Variants in ZFR2 observed in about 807,000 individuals in gnomAD.
The protein encoded by ZFR2 is zinc finger RNA-binding protein 2.
In ZFR2, 104 loss-of-function variants were observed where a neutral mutation model predicts 105.7. The ratio of observed to expected loss-of-function variants is 0.98; its 90% CI spans 0.84 to 1.16. The LOEUF is 1.16. Among genes scored for constraint, ZFR2 ranks in the 50% most tolerant of loss-of-function variants. The pLI, the probability that ZFR2 is intolerant of heterozygous loss-of-function variation, is 0.00. For synonymous variants in ZFR2, 634 were observed against 597.7 expected (o/e 1.06, Z -0.89); for missense variants, 1,425 against 1,355.5 (o/e 1.05, Z -0.80).
At position 3,834,942 on chromosome 19, in the gene ZFR2, C is replaced by T. The variant is rs756505997; in HGVS notation, c.95G>A (p.Ser32Asn). 3 of 1,611,668 alleles carry T rather than the reference C, an allele frequency of 1.9e-6. No homozygotes were observed. The highest frequency in any genetic ancestry group is 1.7e-4 in the Middle Eastern group (1 of 6,054). The change falls in exon 2 of 19, where the codon AGC becomes AAC. Residue 32 changes from serine to asparagine, a missense_variant. Ser to Asn is a conservative substitution (Grantham distance 46). Transcript: ENST00000262961. This position sits in a 1 kb window ranked among gnomAD's most constrained non-coding sequence, Gnocchi z 5.3. Reference protein sequence around the residue: ...PTLPLPTVGASYTAQPTPGMD... With the variant: ...PTLPLPTVGANYTAQPTPGMD... ...CCCAGGAGTGGGTTGTGCAGTATAG[C>T]TGGCCCCCACAGTGGGCAGGGGAAG...
Position 3,856,394 on chromosome 19 carries a change from T to TA in ZFR2, c.53+12570dup, listed in dbSNP as rs1340351123. ...GAAACTGGGTGTCATCGATAGTTAA[T>TA]ATTTTTTTAAGATTGAGATATAGTC... On this transcript the variant is annotated intron_variant, in intron 1 of 18. Transcript: ENST00000262961. Among the ~76,000 whole-genome samples, 5 of 152,226 alleles carry TA rather than the reference T, an allele frequency of 3.3e-5. No homozygotes were observed. In the East Asian group the frequency reaches 9.6e-4, roughly 29 times the overall value.
intron 1 of ZFR2, among the ~76,000 whole-genome samples, chr19:3,867,309 G>GT (rs1599262712): frequency 6.6e-6 from 1 of 151,572 alleles, no homozygotes; most frequent in African/African-American, 2.4e-5. Flanking sequence ...ACTGTTGGGG[G>GT]GGGAATCTGG....
chr19:3,862,358 C>T (rs887054163), intron 1 of ZFR2, among the ~76,000 whole-genome samples: 8 of 152,088 alleles, frequency 5.3e-5, no homozygotes, highest in Non-Finnish European at 8.8e-5. Context: ...AGTGCAATGG[C>T]GCAATCTCAG....
At chr19:3,868,789 C>T (rs1568437444) in intron 1 of ZFR2, among the ~76,000 whole-genome samples, 176 bp downstream of exon 1, 1 of 152,118 alleles carries the variant, frequency 6.6e-6, no homozygotes, top group Non-Finnish European at 1.5e-5. Context: ...CGGTGCCTAA[C>T]CTGAGGCCGC....
At chr19:3,844,205 A>T (rs1008106622) in intron 1 of ZFR2, among the ~76,000 whole-genome samples, 2 of 152,154 alleles carry the variant, frequency 1.3e-5, no homozygotes, top group South Asian at 4.1e-4. Flanking sequence ...ATTTTATGTT[A>T]TCTAGACTTT....
At chr19:3,814,063 C>T in intron 13 of ZFR2, 105 bp from the exon 14 acceptor site, 1 of 1,502,844 alleles carries the variant, frequency 6.7e-7, no homozygotes, top group South Asian at 1.2e-5. Context: ...CGTCGGGCCT[C>T]CCACACTTGC....
In ZFR2 at chr19:3,834,832, C is replaced by A; in HGVS notation, c.205G>T (p.Ala69Ser). 6.2e-7 allele frequency: 1 copy of A among 1,611,948 alleles called. No individual in the cohort carries two copies. Among genetic ancestry groups the A allele is most frequent in the East Asian group, 2.2e-5 (1 of 44,870 alleles). ...GGCTCCTGGGGTCGGCTGCCGTAGG[C>A]GAAGTCCTGGCCGGAGTGGGGCTGG... Reference protein sequence around the residue: ...GYQPHSGQDFAYGSRPQEPVP... With the variant: ...GYQPHSGQDFSYGSRPQEPVP... The change falls in exon 2 of 19, where the codon GCC becomes TCC. Residue 69 changes from alanine (A) to serine (S), a missense_variant. Coordinates refer to ENST00000262961, the MANE Select transcript of ZFR2 (RefSeq NM_015174.2). This position sits in a 1 kb window ranked among gnomAD's most constrained non-coding sequence, Gnocchi z 5.3.
Position 3,827,598 on chromosome 19 carries a change from T to A in ZFR2, c.908A>T (p.Lys303Met), listed in dbSNP as rs1340873046. The A allele has an allele frequency of 1.3e-6, 2 of 1,578,908 alleles. No individual in the cohort carries two copies. The highest frequency in any genetic ancestry group is 1.7e-6 in the Non-Finnish European group (2 of 1,162,820). ...GCTCCCGTTGGGCTGCACGCCTGTC[T>A]TCTGGGCCGCCTCCTTCTTTCTGTG... ...QKHRKKEAAQKTGVQPNGSPR... is the reference protein window; with the variant it reads ...QKHRKKEAAQMTGVQPNGSPR... The change falls in exon 6 of 19, where the codon AAG becomes ATG. Residue 303 changes from lysine to methionine, a missense_variant. Physicochemically the swap from Lys to Met is moderately conservative, Grantham distance 95. Coordinates refer to ENST00000262961, the MANE Select transcript of ZFR2 (RefSeq NM_015174.2).
In ZFR2 at chr19:3,825,265, G is replaced by A. The variant is rs2037936026; in HGVS notation, c.1178C>T (p.Ala393Val). Residue 393 changes from alanine (A) to valine (V), a missense_variant, in exon 7 of 19, where the codon GCC (alanine) becomes GTC (valine). By Grantham distance (64) the Ala-to-Val change is moderately conservative. Coordinates refer to ENST00000262961, the MANE Select transcript of ZFR2 (RefSeq NM_015174.2). ...SVCASSRPAL[A>V]KRPVASKALC... The stretch of plus-strand genomic sequence containing the variant: ...GGCCTTCGAGGCCACGGGTCTCTTG[G>A]CCAGCGCTGGCCTGCTCGAGGCACA... 6.4e-7 allele frequency: 1 copy of A among 1,557,546 alleles called. No individual in the cohort carries two copies. The highest frequency in any genetic ancestry group is 8.6e-7 in the Non-Finnish European group (1 of 1,160,276).
At chr19:3,843,879 G>A (rs1267789083) in intron 1 of ZFR2, among the ~76,000 whole-genome samples, 1 of 151,866 alleles carries the variant, frequency 6.6e-6, no homozygotes, top group African/African-American at 2.4e-5. Context: ...TCCTGACATA[G>A]GCTACAAGGT....
rs942881280 is a variant in ZFR2, at chr19:3,813,311, C to T, written c.2242+509G>A. On this transcript the variant is annotated intron_variant, in intron 14 of 18. Transcript: ENST00000262961. This position sits in a 1 kb window ranked among gnomAD's most constrained non-coding sequence, Gnocchi z 4.4. Reference sequence around the variant, plus strand: ...CGCTGTGGCCGCTGGCCAAGACCCTCGCTGCCCCTAGCCTGGCCCGGCCCC... The same window carrying T: ...CGCTGTGGCCGCTGGCCAAGACCCTTGCTGCCCCTAGCCTGGCCCGGCCCC... 2.6e-5 allele frequency among the ~76,000 whole-genome samples: 4 copies of T among 152,210 alleles called. No individual in the cohort carries two copies. Among genetic ancestry groups the T allele is most frequent in the South Asian group, 4.1e-4 (2 of 4,832 alleles).
rs754461870 is a variant in ZFR2, at chr19:3,823,330, G to A, written c.1287C>T (p.Pro429=). ...TTGAGCCTCCTTGGGTAGGTGCTCC[G>A]GGACCCTCTAATTTAGGTTGGGCTG... The part of the protein sequence containing the change: ...GKPAQPKLEG[P]GAPTQGGSKE... Residue 429 remains proline, a synonymous_variant, in exon 8 of 19, where the codon CCC becomes CCT. Transcript: ENST00000262961. The surrounding 1 kb of genome is among the most constrained non-coding windows in gnomAD (Gnocchi z 5.4). 6.1e-5 allele frequency: 98 copies of A among 1,613,896 alleles called. No individual in the cohort carries two copies. The highest frequency in any genetic ancestry group is 1.6e-4 in the Middle Eastern group (1 of 6,084).
Position 3,807,208 on chromosome 19 carries a change from G to A in ZFR2, c.2607C>T (p.Thr869=), listed in dbSNP as rs760458073. 4 of 1,559,500 alleles carry A rather than the reference G, an allele frequency of 2.6e-6. No individual in the cohort carries two copies. Among genetic ancestry groups the A allele is most frequent in the Admixed American group, 1.9e-5 (1 of 52,080 alleles). The change falls in exon 18 of 19, where the codon ACC becomes ACT. Residue 869 remains threonine (T), a synonymous_variant. Coordinates refer to ENST00000262961, the MANE Select transcript of ZFR2 (RefSeq NM_015174.2). ...CGGTCACGTCTTCCCGCTCTTGGAG[G>A]GTCATGGGCTCGAGGGCATCTGTCT... is the stretch of plus-strand genomic sequence containing the variant. ...RDQTDALEPM[T]LQEREDVTAS... is the part of the protein sequence containing the mutation.
At position 3,810,916 on chromosome 19, in the gene ZFR2, C is replaced by T. The variant is rs77579744; in HGVS notation, c.2338-71G>A. The T allele has an allele frequency of 7.3e-5, 110 of 1,498,708 alleles. 1 individual carries two copies. The highest frequency in any genetic ancestry group is 7.0e-4 in the South Asian group (57 of 82,008). 92.8% of individuals were successfully genotyped at this position (1,498,708 alleles called of 1,614,324 possible). On this transcript the variant is annotated intron_variant, in intron 15 of 18. Transcript: ENST00000262961. ...CACACGGCATGGCGCCGGGCTCTGT[C>T]GTGAGCGTGAACCCCAGGGAGGATA...
rs1280720035 is a variant in ZFR2, at chr19:3,804,872, TTG to T, written c.*1075_*1076del. On this transcript the variant is annotated 3_prime_UTR_variant, in exon 19 of 19. Transcript: ENST00000262961. ...CGCATCCAAAGAAAGTTTTGTTTGT[TTG>T]TTTGTTTGTTTGTTTGTTTCTTTGA... is the stretch of plus-strand genomic sequence containing the variant. 7.5e-6 allele frequency: 1 copy of T among 133,632 alleles called. No individual in the cohort carries two copies. The highest frequency in any genetic ancestry group is 1.5e-5 in the Non-Finnish European group (1 of 67,774). The allele number at this position is 133,632 out of a possible 1,614,324, so 8.3% of individuals were successfully genotyped here.
At position 3,823,164 on chromosome 19, in the gene ZFR2, A is replaced by G; in HGVS notation, c.1371+82T>C. The G allele has an allele frequency of 3.8e-6, 6 of 1,590,004 alleles. No homozygotes were observed. Among genetic ancestry groups the G allele is most frequent in the Non-Finnish European group, 5.1e-6 (6 of 1,165,268 alleles). ...ATGGGTCTGTAAATCTCGCTGGGAG[A>G]AGCCGGGTGAGGTCTCGAAGCCTGA... On this transcript the variant is annotated intron_variant, in intron 8 of 18. Coordinates refer to ENST00000262961, the MANE Select transcript of ZFR2 (RefSeq NM_015174.2). This position sits in a 1 kb window ranked among gnomAD's most constrained non-coding sequence, Gnocchi z 5.4.
At chr19:3,852,627 C>G (rs750974737) in intron 1 of ZFR2, 1 of 717,770 alleles carries the variant, frequency 1.4e-6, no homozygotes, top group Admixed American at 2.0e-5. Context: ...GGAAGAGTAG[C>G]AAGGACATGG....
Position 3,834,911 on chromosome 19 carries a change from G to A in ZFR2, c.126C>T (p.Asp42=). The change falls in exon 2 of 19, where the codon GAC becomes GAT. Residue 42 remains aspartate (D), a synonymous_variant. Coordinates refer to ENST00000262961, the MANE Select transcript of ZFR2 (RefSeq NM_015174.2). This position sits in a 1 kb window ranked among gnomAD's most constrained non-coding sequence, Gnocchi z 5.3. ...GGGGAAAGGCCGGGTTCACGGCAGGGTCCATCCCAGGAGTGGGTTGTGCAG... is the reference window on the plus strand; with the variant it reads ...GGGGAAAGGCCGGGTTCACGGCAGGATCCATCCCAGGAGTGGGTTGTGCAG... The part of the protein sequence containing the change: ...SYTAQPTPGM[D]PAVNPAFPPA... The A allele has an allele frequency of 3.1e-6, 5 of 1,611,932 alleles. No individual in the cohort carries two copies. The highest frequency in any genetic ancestry group is 4.2e-6 in the Non-Finnish European group (5 of 1,179,204).
intron 17 of ZFR2, among the ~76,000 whole-genome samples, chr19:3,807,725 CGT>C (rs139884226): frequency 6.4e-4 from 94 of 146,366 alleles, no homozygotes; most frequent in South Asian, 5.4e-3. Context: ...ACGGTGTGCC[CGT>C]GTGTGTGTGC....
Sources: gnomAD v4.1 joint callset for allele counts (sites outside exome capture counted in the v4.1 genomes callset) on GRCh38, gnomAD v4.1.1 for gene constraint, Gnocchi (gnomAD v3.1) non-coding constraint, MANE v1.5 for transcripts, NCBI Gene and HGNC (gene_info 2026-07-23, HGNC 2026-07-21) for gene names.